NEB: variants seen among roughly 807,000 people sequenced by gnomAD.
NEB encodes nebulin.
A neutral mutation model predicts 952.2 loss-of-function variants in NEB; 512 were observed. The ratio of observed to expected loss-of-function variants is 0.54; its 90% CI spans 0.50 to 0.58. NEB has a LOEUF of 0.58. Among genes scored for constraint, NEB ranks in the 20% least tolerant of loss-of-function variants. NEB has a pLI of 0.00. For missense variants in NEB, 8,428 were observed against 9,231.1 expected, an observed-to-expected ratio of 0.91 and a Z score of 3.56; for synonymous variants, 2,900 against 3,149.8, an observed-to-expected ratio of 0.92 and a Z score of 2.66.
intron 121 of NEB, among the ~76,000 whole-genome samples, chr2:151,561,745 G>A (rs548791409): frequency 1.3e-5 from 2 of 152,124 alleles, no homozygotes; most frequent in East Asian, 1.9e-4. Context: ...AAGTTTTCCA[G>A]ATACTGATCT....
chr2:151,657,863 C>T, intron 48 of NEB, 120 bp downstream of exon 48: 2 of 723,386 alleles, frequency 2.8e-6, no homozygotes, highest in Non-Finnish European at 4.7e-6. Context: ...AAGAAGCATT[C>T]ACAGAGAGTG....
chr2:151,663,560 C>G lies in NEB; in HGVS notation c.5751G>C (p.Gln1917His), dbSNP rs766827189. ...GGTTTTCACGTACATCACTTTGAAT[C>G]TGCATCATATTTTTGGCCAATTCAA... ...MSFELAKNMM[Q>H]IQSDNQYKAD... is the part of the protein sequence containing the mutation. Residue 1917 changes from glutamine to histidine, a missense_variant, in exon 45 of 182, where the codon CAG (glutamine) becomes CAC (histidine). Gln to His is a conservative substitution (Grantham distance 24, BLOSUM62 0). This residue lies in a region of NEB where 2,851 missense variants were observed against 2,791.5 expected (regional missense o/e 1.02). Coordinates refer to ENST00000397345, the MANE Select transcript of NEB (RefSeq NM_001164508.2). 5.6e-6 allele frequency: 9 copies of G among 1,607,916 alleles called. No individual in the cohort carries two copies. Among genetic ancestry groups the G allele is most frequent in the Admixed American group, 3.3e-5 (2 of 59,880 alleles).
intron 64 of NEB, among the ~76,000 whole-genome samples, chr2:151,634,451 G>A (rs919443949): frequency 6.6e-6 from 1 of 152,088 alleles, no homozygotes; most frequent in Non-Finnish European, 1.5e-5. Flanking sequence ...AGACCATCCT[G>A]GCTAATATGG....
intron 117 of NEB, among the ~76,000 whole-genome samples, 181 bp from the exon 118 acceptor site, chr2:151,564,111 T>C (rs1318259880): frequency 1.3e-5 from 2 of 152,182 alleles, no homozygotes; most frequent in African/African-American, 2.4e-5. Context: ...CAAATTAAAC[T>C]TACAGACTCG....
intron 137 of NEB, 100 bp downstream of exon 137, chr2:151,540,597 A>G (rs1188214060): frequency 1.7e-6 from 2 of 1,177,644 alleles, no homozygotes; most frequent in Admixed American, 2.0e-5. Flanking sequence ...GCTGAGCACC[A>G]TTTATAGTAA....
intron 165 of NEB, among the ~76,000 whole-genome samples, chr2:151,504,842 C>T (rs1190715899): frequency 6.6e-6 from 1 of 152,138 alleles, no homozygotes; most frequent in East Asian, 1.9e-4. Context: ...CAATAAACTG[C>T]ACAGGTGCCT....
rs761974865 is a variant in NEB, at chr2:151,620,987, C to T, written c.10492G>A (p.Gly3498Ser). 35 of 1,612,760 alleles carry T rather than the reference C, an allele frequency of 2.2e-5. No homozygotes were observed. The highest frequency in any genetic ancestry group is 2.9e-5 in the Non-Finnish European group (34 of 1,179,406). ...RQAMEEAKKE[G>S]YDLRSDAIPI... ...ATGGCATCACTTCTCAAGTCATAGC[C>T]TTCTTTCTTGGCTTCTTCCATGGCC... The change falls in exon 72 of 182, where the codon GGC becomes AGC. Residue 3498 changes from glycine to serine, a missense_variant. Coordinates refer to ENST00000397345, the MANE Select transcript of NEB (RefSeq NM_001164508.2).
chr2:151,521,620 T>C (rs1442990968), intron 153 of NEB, among the ~76,000 whole-genome samples: 3 of 152,232 alleles, frequency 2.0e-5, no homozygotes, highest in African/African-American at 7.2e-5. Flanking sequence ...ATCTGCTTTT[T>C]TTAGAAGCAT....
At position 151,492,088 on chromosome 2, in the gene NEB, G is replaced by A; in HGVS notation, c.25057+10C>T. 6.2e-7 allele frequency: 1 copy of A among 1,613,062 alleles called. No homozygotes were observed. The highest frequency in any genetic ancestry group is 1.3e-5 in the African/African-American group (1 of 74,946). On this transcript the variant is annotated intron_variant, in intron 178 of 181. Transcript: ENST00000397345. Reference sequence around the variant, plus strand: ...AAGTTAATCCCCTCCCCCAACCCAGGCTCAGTTACCTGTAATAGTCTCCTG... The same window carrying A: ...AAGTTAATCCCCTCCCCCAACCCAGACTCAGTTACCTGTAATAGTCTCCTG...
At chr2:151,620,393 T>TATATATATA (rs2098388397) in intron 72 of NEB, among the ~76,000 whole-genome samples, 1 of 78,970 alleles carries the variant, frequency 1.3e-5, no homozygotes, top group Non-Finnish European at 2.7e-5. Flanking sequence ...ATATATATAT[T>TATATATATA]TAACCAGAAT....
chr2:151,609,864 A>G lies in NEB; in HGVS notation c.12275T>C (p.Met4092Thr). The G allele has an allele frequency of 6.2e-7, 1 of 1,611,352 alleles. No homozygotes were observed. The change falls in exon 81 of 182, where the codon ATG becomes ACG. Residue 4092 changes from methionine (M) to threonine (T), a missense_variant. By Grantham distance (81) the Met-to-Thr change is moderately conservative. This residue lies in a region of NEB where 337 missense variants were observed against 297.5 expected (regional missense o/e 1.13). Transcript: ENST00000397345. Reference sequence around the variant, plus strand: ...TTGGATAATGTCGTTTTGATCCGGCATGCATGTCCATTCATGCAGGTAATT... The same window carrying G: ...TTGGATAATGTCGTTTTGATCCGGCGTGCATGTCCATTCATGCAGGTAATT... The part of the protein sequence containing the change: ...YRNYLHEWTC[M>T]PDQNDIIQAK...
At chr2:151,643,703 G>C (rs75005333) in intron 57 of NEB, 115 bp downstream of exon 57, 5 of 1,469,160 alleles carry the variant, frequency 3.4e-6, no homozygotes, top group Non-Finnish European at 4.6e-6. Context: ...GACTAGATGC[G>C]CTTGGGCATT....
chr2:151,648,655 G>A (rs1356160251), intron 54 of NEB, among the ~76,000 whole-genome samples: 1 of 152,152 alleles, frequency 6.6e-6, no homozygotes, highest in Non-Finnish European at 1.5e-5. Flanking sequence ...GTGCTTAGCA[G>A]CATCCCTGGC....
intron 110 of NEB, among the ~76,000 whole-genome samples, chr2:151,568,970 A>G (rs1482036841): frequency 6.6e-6 from 1 of 152,182 alleles, no homozygotes; most frequent in Non-Finnish European, 1.5e-5. Context: ...CATTATGTGT[A>G]CTGTAATGCA....
chr2:151,695,463 T>C, intron 18 of NEB, 115 bp downstream of exon 18: 1 of 757,210 alleles, frequency 1.3e-6, no homozygotes, highest in Non-Finnish European at 2.2e-6. Flanking sequence ...ATACAAATGT[T>C]AACAGTTCTT....
At position 151,701,991 on chromosome 2, in the gene NEB, T is replaced by C. The variant is rs369046108; in HGVS notation, c.1153-4343A>G. On this transcript the variant is annotated intron_variant, in intron 13 of 181. Transcript: ENST00000397345. ...AATTTTGGATCTTTCCTGCTTTCTC[T>C]TGTGGGCATTTAGTGCTATAAATTC... 1.8e-3 allele frequency among the ~76,000 whole-genome samples: 264 copies of C among 148,900 alleles called. 9 individuals carry two copies. In the East Asian group the frequency reaches 0.047, roughly 26 times the overall value.
rs1334709136 is a variant in NEB at position 151,552,755 on chromosome 2, A to G, written c.19753T>C (p.Leu6585=). The part of the protein sequence containing the change: ...RDDIKYKAHM[L]KTRNDYKLVT... ...AGCTTGTAGTCATTCCTTGTTTTCA[A>G]CATGTGAGCTTTATACTTGATCTGC... Residue 6585 remains leucine (L), a synonymous_variant, in exon 128 of 182, where the codon TTG becomes CTG. Transcript: ENST00000397345. 5 of 1,612,804 alleles carry G rather than the reference A, an allele frequency of 3.1e-6. No homozygotes were observed. Among genetic ancestry groups the G allele is most frequent in the Non-Finnish European group, 3.4e-6 (4 of 1,179,324 alleles).
intron 35 of NEB, 61 bp downstream of exon 35, chr2:151,675,220 CTACTCT>C: frequency 3.6e-6 from 4 of 1,109,168 alleles, no homozygotes; most frequent in Non-Finnish European, 5.4e-6. Flanking sequence ...AGGCACCATC[CTACTCT>C]TAAAGTCTAT....
At chr2:151,688,465 G>C (rs1443095696) in intron 24 of NEB, 69 bp from the exon 25 acceptor site, 3 of 1,196,324 alleles carry the variant, frequency 2.5e-6, no homozygotes, top group Non-Finnish European at 3.7e-6. Flanking sequence ...AGCATATATA[G>C]CTAAGGCATT....
Sources: gnomAD v4.1 joint callset for allele counts (sites outside exome capture counted in the v4.1 genomes callset) on GRCh38, gnomAD v4.1.1 for gene constraint, gnomAD v4.1.1 regional missense constraint, MANE v1.5 for transcripts, NCBI Gene and HGNC (gene_info 2026-07-23, HGNC 2026-07-21) for gene names.